Variants in INPP4B observed in about 807,000 individuals in gnomAD.
The protein encoded by INPP4B is inositol polyphosphate-4-phosphatase type II B.
A neutral mutation model predicts 122.5 loss-of-function variants in INPP4B; 55 were observed. The ratio of observed to expected loss-of-function variants is 0.45; its 90% CI spans 0.36 to 0.56. The LOEUF is 0.56. Among genes scored for constraint, INPP4B ranks in the 20% least tolerant of loss-of-function variants. The probability of loss-of-function intolerance (pLI) is 0.00; values close to 1 mark genes in which losing one functional copy is unlikely to be tolerated. For missense variants in INPP4B, 1,000 were observed against 1,097.7 expected (o/e 0.91, Z 1.26); for synonymous variants, 403 against 388.7 (o/e 1.04, Z -0.43).
intron 3 of INPP4B, among the ~76,000 whole-genome samples, chr4:142,448,789 T>A (rs996693614): frequency 2.0e-5 from 3 of 152,158 alleles, no homozygotes; most frequent in African/African-American, 7.2e-5. Flanking sequence ...TAATTTAACA[T>A]CATCCAAAAG....
At chr4:142,279,774 C>G (rs547832684) in intron 9 of INPP4B, among the ~76,000 whole-genome samples, 24 of 151,928 alleles carry the variant, frequency 1.6e-4, no homozygotes, top group African/African-American at 5.5e-4. Context: ...TGCAAATTTG[C>G]TCTGTCAAAG....
At chr4:142,656,832 G>C (rs1181191407) in intron 2 of INPP4B, among the ~76,000 whole-genome samples, 1 of 152,076 alleles carries the variant, frequency 6.6e-6, no homozygotes, top group African/African-American at 2.4e-5. Flanking sequence ...TACTGGGTTA[G>C]GCCCCCCAAC....
At chr4:142,679,007 G>A (rs535164953) in intron 2 of INPP4B, among the ~76,000 whole-genome samples, 316 of 151,900 alleles carry the variant, frequency 2.1e-3, no homozygotes, top group African/African-American at 7.0e-3. Context: ...AAAGTTTAAG[G>A]AAGAAGTCAT....
intron 2 of INPP4B, among the ~76,000 whole-genome samples, chr4:142,576,371 C>T (rs1369432443): frequency 6.6e-6 from 1 of 151,896 alleles, no homozygotes; most frequent in Non-Finnish European, 1.5e-5. Flanking sequence ...TGCCTTTTAC[C>T]TCAACATTAT....
chr4:142,110,826 T>C (rs1789647515), intron 22 of INPP4B, among the ~76,000 whole-genome samples: 2 of 152,140 alleles, frequency 1.3e-5, no homozygotes, highest in Admixed American at 1.3e-4. Context: ...TGATGCAAAT[T>C]AGTCCATCTT....
intron 2 of INPP4B, among the ~76,000 whole-genome samples, chr4:142,565,788 T>G (rs887236728): frequency 6.6e-6 from 1 of 152,182 alleles, no homozygotes; most frequent in Admixed American, 6.5e-5. Context: ...AAGTTAACAT[T>G]TTCAGTAATG....
chr4:142,818,860 T>C (rs1780455593), intron 1 of INPP4B, among the ~76,000 whole-genome samples: 2 of 152,152 alleles, frequency 1.3e-5, no homozygotes, highest in Admixed American at 1.3e-4. Flanking sequence ...TCTGTTACAT[T>C]TTTACCCATA....
chr4:142,819,338 A>G (rs923657843), intron 1 of INPP4B, among the ~76,000 whole-genome samples: 2 of 152,104 alleles, frequency 1.3e-5, no homozygotes, highest in Non-Finnish European at 2.9e-5. Context: ...AGTTTCATCC[A>G]TTTCCAACCA....
chr4:142,772,242 G>A (rs1362689476), intron 1 of INPP4B, among the ~76,000 whole-genome samples: 1 of 152,130 alleles, frequency 6.6e-6, no homozygotes, highest in Non-Finnish European at 1.5e-5. Flanking sequence ...TATAATGTGG[G>A]AAGAAGGTAC....
At chr4:142,172,831 G>A (rs145047075) in intron 16 of INPP4B, among the ~76,000 whole-genome samples, 11 of 151,860 alleles carry the variant, frequency 7.2e-5, no homozygotes, top group Admixed American at 2.0e-4. Context: ...TTTCTCCAAC[G>A]GCATATTTAC....
intron 2 of INPP4B, among the ~76,000 whole-genome samples, chr4:142,534,652 T>C (rs935276245): frequency 1.3e-5 from 2 of 150,594 alleles, no homozygotes; most frequent in Non-Finnish European, 1.5e-5. Flanking sequence ...ATGGTACAAA[T>C]AGGATATATT....
chr4:142,291,342 T>C (rs937037027), intron 9 of INPP4B, among the ~76,000 whole-genome samples: 1 of 152,208 alleles, frequency 6.6e-6, no homozygotes, highest in Non-Finnish European at 1.5e-5. Context: ...AGATCGACTT[T>C]CTGAAGTGAT....
intron 2 of INPP4B, among the ~76,000 whole-genome samples, chr4:142,509,087 G>C (rs1824383206): frequency 6.6e-6 from 1 of 152,154 alleles, no homozygotes; most frequent in Admixed American, 6.5e-5. Flanking sequence ...AGAAACATGA[G>C]TGGAACCAAT....
chr4:142,696,409 T>C (rs1295129225), intron 2 of INPP4B, among the ~76,000 whole-genome samples: 1 of 151,992 alleles, frequency 6.6e-6, no homozygotes, highest in Non-Finnish European at 1.5e-5. Flanking sequence ...CAAAGAGTAA[T>C]AAAATCTAGC....
intron 18 of INPP4B, among the ~76,000 whole-genome samples, chr4:142,145,066 G>T (rs1809966294): frequency 6.6e-6 from 1 of 152,120 alleles, no homozygotes; most frequent in Non-Finnish European, 1.5e-5. Context: ...GTAGACATTT[G>T]CCTTGGTTTT....
chr4:142,042,250 TAA>T (rs530673002), intron 25 of INPP4B, among the ~76,000 whole-genome samples: 114 of 152,264 alleles, frequency 7.5e-4, no homozygotes, highest in African/African-American at 2.6e-3. Context: ...AGTGGCATAG[TAA>T]AAATACTTCC....
chr4:142,309,276 G>A (rs1764538023), intron 8 of INPP4B, among the ~76,000 whole-genome samples: 1 of 151,812 alleles, frequency 6.6e-6, no homozygotes, highest in Non-Finnish European at 1.5e-5. Flanking sequence ...AGAAATGCCT[G>A]CACTACAAAA....
chr4:142,524,683 A>C (rs1407307251), intron 2 of INPP4B, among the ~76,000 whole-genome samples: 1 of 152,228 alleles, frequency 6.6e-6, no homozygotes, highest in East Asian at 1.9e-4. Context: ...GACAAAATTC[A>C]ACAACACTTC....
intron 10 of INPP4B, among the ~76,000 whole-genome samples, chr4:142,263,497 G>T (rs1256228638): frequency 1.3e-5 from 2 of 151,396 alleles, no homozygotes; most frequent in Non-Finnish European, 2.9e-5. Flanking sequence ...AAGTAAAATT[G>T]ACTTAATTTA....
Sources: gnomAD v4.1 joint callset for allele counts (sites outside exome capture counted in the v4.1 genomes callset) on GRCh38, gnomAD v4.1.1 for gene constraint, MANE v1.5 for transcripts, NCBI Gene and HGNC (gene_info 2026-07-23, HGNC 2026-07-21) for gene names.